The following MYCBP2 variants were observed in gnomAD, a reference collection of about 807,000 sequenced individuals.
MYCBP2 encodes E3 ubiquitin-protein ligase MYCBP2.
MYCBP2 carries 120 observed loss-of-function variants against 525.3 expected under a neutral mutation model. The ratio of observed to expected loss-of-function variants is 0.23; its 90% confidence interval spans 0.20 to 0.27. The LOEUF is 0.27. Ranked by LOEUF, MYCBP2 falls within the 10% of genes least tolerant of loss-of-function variation. MYCBP2 has a pLI of 1.00. For synonymous variants in MYCBP2, 1,894 were observed against 1,955.8 expected, an observed-to-expected ratio of 0.97 and a Z score of 0.83; for missense variants, 4,149 against 5,657.1, an observed-to-expected ratio of 0.73 and a Z score of 8.55.
Position 77,224,434 on chromosome 13 carries a change from GAA to G in MYCBP2, c.2939+15_2939+16del. On this transcript the variant is annotated intron_variant, in intron 20 of 82. Coordinates refer to ENST00000544440, the MANE Select transcript of MYCBP2 (RefSeq NM_015057.5). Reference sequence around the variant, plus strand: ...AAAAAATAACTCTGGATCTTCAAATGAAAAGTTAGCAAGTACCTGGAGTTGAC... The same window carrying G: ...AAAAAATAACTCTGGATCTTCAAATGAAGTTAGCAAGTACCTGGAGTTGAC... 6.5e-7 allele frequency: 1 copy of G among 1,544,900 alleles called. No homozygotes were observed. Among genetic ancestry groups the G allele is most frequent in the Non-Finnish European group, 8.9e-7 (1 of 1,127,500 alleles).
Position 77,281,234 on chromosome 13 carries a change from A to G in MYCBP2, c.595-2323T>C, listed in dbSNP as rs188946710. ...GTATTATTTCATTTGTGTGTAAAAAACATTTTAATGTGTACATAGAAAAAA... is the reference window on the plus strand; with the variant it reads ...GTATTATTTCATTTGTGTGTAAAAAGCATTTTAATGTGTACATAGAAAAAA... On this transcript the variant is annotated intron_variant, in intron 3 of 82. Transcript: ENST00000544440. Among the ~76,000 whole-genome samples, 254 of 152,288 alleles carry G rather than the reference A, an allele frequency of 1.7e-3. 4 individuals carry two copies. Among genetic ancestry groups the G allele is most frequent in the African/African-American group, 5.4e-3 (225 of 41,582 alleles).
rs1321000911 is a variant in MYCBP2, at chr13:77,257,690, G to A, written c.2157C>T (p.Ala719=). ...NKGQCGRDTG[A]MNQGGKGFGV... Reference sequence around the variant, plus strand: ...ACCTACCTTTCCCACCTTGGTTCATGGCACCAGTATCTCGTCCACACTGTC... The same window carrying A: ...ACCTACCTTTCCCACCTTGGTTCATAGCACCAGTATCTCGTCCACACTGTC... Residue 719 remains alanine, a synonymous_variant, in exon 14 of 83, where the codon GCC becomes GCT. Coordinates refer to ENST00000544440, the MANE Select transcript of MYCBP2 (RefSeq NM_015057.5). 6 of 1,583,210 alleles carry A rather than the reference G, an allele frequency of 3.8e-6. No individual in the cohort carries two copies. Among genetic ancestry groups the A allele is most frequent in the Admixed American group, 1.9e-5 (1 of 52,414 alleles).
At chr13:77,116,354 T>C (rs1050396900) in intron 55 of MYCBP2, among the ~76,000 whole-genome samples, 7 of 151,962 alleles carry the variant, frequency 4.6e-5, no homozygotes, top group Non-Finnish European at 1.0e-4. Flanking sequence ...GTGGGATACA[T>C]GGTAGTGAGG....
At chr13:77,270,660 C>T (rs780817945) in intron 5 of MYCBP2, 122 bp from the exon 6 acceptor site, 144 of 1,063,742 alleles carry the variant, frequency 1.4e-4, no homozygotes, top group Non-Finnish European at 1.5e-4. Flanking sequence ...TGATATTTCG[C>T]ATGCCAGCAA....
intron 80 of MYCBP2, among the ~76,000 whole-genome samples, chr13:77,053,193 T>C (rs1469755924): frequency 6.6e-6 from 1 of 151,162 alleles, no homozygotes; most frequent in African/African-American, 2.4e-5. Context: ...CTCATAGTTA[T>C]AAAGTTATGC....
intron 18 of MYCBP2, among the ~76,000 whole-genome samples, chr13:77,228,307 A>T (rs1232038892): frequency 1.3e-5 from 2 of 152,044 alleles, no homozygotes; most frequent in Non-Finnish European, 2.9e-5. Flanking sequence ...GGAGCTCAAG[A>T]CCAGCCTGGG....
Position 77,168,549 on chromosome 13 carries a change from G to A in MYCBP2, c.5993C>T (p.Ser1998Leu), listed in dbSNP as rs1446782689. Residue 1998 changes from serine (S) to leucine (L), a missense_variant, in exon 40 of 83, where the codon TCG (serine) becomes TTG (leucine). By Grantham distance (145) the Ser-to-Leu change is moderately radical. Coordinates refer to ENST00000544440, the MANE Select transcript of MYCBP2 (RefSeq NM_015057.5). ...CTGGTTTCCTGTGGTGCTATCTGTC[G>A]ACTGATTAGGGTTGAAGGCAGGCGG... ...YAPPAFNPNQ[S>L]TDSTTGNQPE... 5 of 1,613,952 alleles carry A rather than the reference G, an allele frequency of 3.1e-6. No individual in the cohort carries two copies. Among genetic ancestry groups the A allele is most frequent in the Non-Finnish European group, 4.2e-6 (5 of 1,180,034 alleles).
At position 77,122,429 on chromosome 13, in the gene MYCBP2, C is replaced by T. The variant is rs552109767; in HGVS notation, c.8018-934G>A. Among the ~76,000 whole-genome samples, 3 of 152,122 alleles carry T rather than the reference C, an allele frequency of 2.0e-5. No homozygotes were observed. In the East Asian group the frequency reaches 5.8e-4, roughly 29 times the overall value. On this transcript the variant is annotated intron_variant, in intron 54 of 82. Transcript: ENST00000544440. Reference sequence around the variant, plus strand: ...AAAGTCAATAGTCCTTGGCCGGTCGCGGTGGCTTACGCTTGTAATCCCAGC... The same window carrying T: ...AAAGTCAATAGTCCTTGGCCGGTCGTGGTGGCTTACGCTTGTAATCCCAGC...
At chr13:77,164,750 A>T (rs2058340967) in intron 42 of MYCBP2, among the ~76,000 whole-genome samples, 2 of 152,214 alleles carry the variant, frequency 1.3e-5, no homozygotes, top group South Asian at 4.1e-4. Flanking sequence ...TCATTGTTCA[A>T]ATAACTGTTC....
At chr13:77,254,473 A>C (rs1188589508) in intron 14 of MYCBP2, among the ~76,000 whole-genome samples, 1 of 151,870 alleles carries the variant, frequency 6.6e-6, no homozygotes, top group Non-Finnish European at 1.5e-5. Context: ...ATAAACTTTT[A>C]AAATATTCCT....
chr13:77,194,105 A>G, intron 27 of MYCBP2, 48 bp downstream of exon 27: 1 of 1,199,158 alleles, frequency 8.3e-7, no homozygotes, highest in Non-Finnish European at 1.2e-6. Flanking sequence ...ATAAATTTTT[A>G]ATATTAAGTA....
intron 55 of MYCBP2, among the ~76,000 whole-genome samples, chr13:77,112,213 A>G (rs1024099556): frequency 6.6e-6 from 1 of 151,100 alleles, no homozygotes; most frequent in African/African-American, 2.4e-5. Context: ...CTTGCTTGTT[A>G]TGATGGATAA....
chr13:77,132,262 G>C (rs2053013041), intron 52 of MYCBP2, among the ~76,000 whole-genome samples: 1 of 152,142 alleles, frequency 6.6e-6, no homozygotes, highest in Non-Finnish European at 1.5e-5. Flanking sequence ...TCTGGGGTAT[G>C]TTAAAGCTGT....
intron 82 of MYCBP2, among the ~76,000 whole-genome samples, chr13:77,047,507 T>A (rs1335586690): frequency 6.6e-6 from 1 of 152,118 alleles, no homozygotes; most frequent in Non-Finnish European, 1.5e-5. Flanking sequence ...AAGGAGTTAG[T>A]TTGCCTTAGG....
At chr13:77,139,950 C>A in intron 51 of MYCBP2, 97 bp downstream of exon 51, 1 of 705,768 alleles carries the variant, frequency 1.4e-6, no homozygotes, top group Non-Finnish European at 2.3e-6. Flanking sequence ...CTGCTTAAAA[C>A]ATATTCTGAC....
chr13:77,172,834 G>T (rs1486982547), intron 37 of MYCBP2, among the ~76,000 whole-genome samples: 1 of 152,224 alleles, frequency 6.6e-6, no homozygotes, highest in African/African-American at 2.4e-5. Context: ...CTGGTTAAGG[G>T]TGTATCACCT....
At chr13:77,053,966 C>T (rs962178802) in intron 80 of MYCBP2, among the ~76,000 whole-genome samples, 4 of 152,196 alleles carry the variant, frequency 2.6e-5, no homozygotes, top group South Asian at 2.1e-4. Flanking sequence ...GATAAGTGGT[C>T]CAGTAGTCAT....
chr13:77,228,936 C>A (rs2066734500), intron 18 of MYCBP2, among the ~76,000 whole-genome samples: 1 of 152,130 alleles, frequency 6.6e-6, no homozygotes, highest in Admixed American at 6.5e-5. Flanking sequence ...TACAGTCATG[C>A]ATATAACAGA....
chr13:77,201,876 T>C (rs2154269670), intron 26 of MYCBP2, among the ~76,000 whole-genome samples: 2 of 152,126 alleles, frequency 1.3e-5, no homozygotes, highest in South Asian at 4.2e-4. Context: ...CCAGAATCTC[T>C]GGGACACATT....
Sources: gnomAD v4.1 joint callset for allele counts (sites outside exome capture counted in the v4.1 genomes callset) on GRCh38, gnomAD v4.1.1 for gene constraint, MANE v1.5 for transcripts, NCBI Gene and HGNC (gene_info 2026-07-23, HGNC 2026-07-21) for gene names.